Variants in BMPR1B observed in about 807,000 individuals in gnomAD.
BMPR1B encodes the protein bone morphogenetic protein receptor type 1B.
In BMPR1B, 12 loss-of-function variants were observed where a neutral mutation model predicts 59.1. The ratio of observed to expected loss-of-function variants is 0.20; its 90% confidence interval spans 0.13 to 0.33. BMPR1B has a LOEUF of 0.33. BMPR1B is among the 10% of genes least tolerant of loss of function. The pLI, the probability that BMPR1B is intolerant of heterozygous loss-of-function variation, is 1.00. For missense variants in BMPR1B, 550 were observed against 610.9 expected (o/e 0.90, Z 1.05); for synonymous variants, 237 against 207.3 (o/e 1.14, Z -1.23).
At chr4:94,764,383 T>A (rs1721887139) in intron 1 of BMPR1B, among the ~76,000 whole-genome samples, 1 of 152,154 alleles carries the variant, frequency 6.6e-6, no homozygotes, top group South Asian at 2.1e-4. Context: ...CCCAAGGTAT[T>A]CTTCTCTATA....
At chr4:95,009,128 A>T (rs879460341) in intron 3 of BMPR1B, among the ~76,000 whole-genome samples, 1 of 152,234 alleles carries the variant, frequency 6.6e-6, no homozygotes, top group Non-Finnish European at 1.5e-5. Context: ...TAAAAGTCTG[A>T]AAATAACAAA....
At chr4:94,812,838 A>G (rs1578672733) in intron 1 of BMPR1B, among the ~76,000 whole-genome samples, 1 of 152,200 alleles carries the variant, frequency 6.6e-6, no homozygotes, top group Non-Finnish European at 1.5e-5. Flanking sequence ...ATTGAGTAGC[A>G]TATTTGACCA....
chr4:95,090,104 A>G (rs1729870789), intron 3 of BMPR1B, among the ~76,000 whole-genome samples: 1 of 152,068 alleles, frequency 6.6e-6, no homozygotes, highest in African/African-American at 2.4e-5. Flanking sequence ...CTGTTGAGAG[A>G]GAATGTTCTC....
intron 3 of BMPR1B, among the ~76,000 whole-genome samples, chr4:95,039,805 T>C (rs1404552559): frequency 6.6e-6 from 1 of 152,190 alleles, no homozygotes; most frequent in Non-Finnish European, 1.5e-5. Context: ...TGTAGTGTAG[T>C]GTATTTTCTA....
intron 2 of BMPR1B, among the ~76,000 whole-genome samples, chr4:94,890,495 A>G (rs1440449622): frequency 6.6e-6 from 1 of 152,150 alleles, no homozygotes; most frequent in African/African-American, 2.4e-5. Flanking sequence ...CATGAGTGTA[A>G]TTATGACCTA....
intron 1 of BMPR1B, among the ~76,000 whole-genome samples, chr4:94,865,593 A>ATATT (rs1726192350): frequency 6.6e-6 from 1 of 150,872 alleles, no homozygotes; most frequent in African/African-American, 2.4e-5. Context: ...GGGTTTCACT[A>ATATT]TATTGGCCAG....
At chr4:95,004,920 T>A (rs1482149887) in intron 3 of BMPR1B, among the ~76,000 whole-genome samples, 1 of 152,242 alleles carries the variant, frequency 6.6e-6, no homozygotes, top group Non-Finnish European at 1.5e-5. Context: ...ATACAATGCA[T>A]ATAGTCTTCT....
intron 3 of BMPR1B, among the ~76,000 whole-genome samples, chr4:95,009,132 TAAC>T (rs1428870969): frequency 6.6e-6 from 1 of 152,154 alleles, no homozygotes; most frequent in Non-Finnish European, 1.5e-5. Context: ...AGTCTGAAAA[TAAC>T]AAATCTTGGT....
intron 1 of BMPR1B, among the ~76,000 whole-genome samples, chr4:94,821,514 G>A (rs1466668292): frequency 6.6e-6 from 1 of 151,842 alleles, no homozygotes; most frequent in Non-Finnish European, 1.5e-5. Flanking sequence ...AAAAGAGTTA[G>A]GTTTGGCTTA....
Position 94,841,363 on chromosome 4 carries a change from C to T in BMPR1B, c.-182-34468C>T, listed in dbSNP as rs369287864. Among the ~76,000 whole-genome samples the T allele has an allele frequency of 1.1e-4, 16 of 149,954 alleles. 1 individual carries two copies. The highest frequency in any genetic ancestry group is 4.6e-4 in the Admixed American group (7 of 15,118). ...ATGGCGGGCGCCCCTCCCCCAGCCT[C>T]GCTGCCGCCTTGCAGTTTGATCTCA... On this transcript the variant is annotated intron_variant, in intron 1 of 12. Transcript: ENST00000515059.
At chr4:95,116,609 C>G (rs1732084657) in intron 6 of BMPR1B, among the ~76,000 whole-genome samples, 1 of 147,516 alleles carries the variant, frequency 6.8e-6, no homozygotes, top group African/African-American at 2.4e-5. Context: ...TTTGCTTTCT[C>G]TCTCTCTCTC....
intron 2 of BMPR1B, among the ~76,000 whole-genome samples, chr4:94,970,549 G>A (rs1730750710): frequency 6.6e-6 from 1 of 152,110 alleles, no homozygotes; most frequent in Non-Finnish European, 1.5e-5. Flanking sequence ...CTGACCTCAG[G>A]CAATCTGCCT....
intron 1 of BMPR1B, among the ~76,000 whole-genome samples, chr4:94,758,446 T>A (rs1721615961): frequency 1.3e-5 from 2 of 149,374 alleles, no homozygotes; most frequent in East Asian, 2.0e-4. Context: ...AGGCAGGGAG[T>A]CGGACCTGCG....
At chr4:94,987,594 T>C (rs1325966241) in intron 2 of BMPR1B, among the ~76,000 whole-genome samples, 1 of 152,118 alleles carries the variant, frequency 6.6e-6, no homozygotes, top group African/African-American at 2.4e-5. Flanking sequence ...GATGTATGAC[T>C]TTAGCTTGTC....
At chr4:94,857,553 G>A (rs973145815) in intron 1 of BMPR1B, among the ~76,000 whole-genome samples, 7 of 152,104 alleles carry the variant, frequency 4.6e-5, no homozygotes, top group African/African-American at 1.2e-4. Context: ...ATATCCTTCC[G>A]ATATAATGTA....
chr4:95,096,749 A>G lies in BMPR1B; in HGVS notation c.-17-7659A>G, dbSNP rs12650297. 4.1e-3 allele frequency among the ~76,000 whole-genome samples: 75 copies of G among 18,128 alleles called. 1 individual carries two copies. In the South Asian group the frequency reaches 0.045, roughly 11 times the overall value. The allele number at this position is 18,128 out of a possible 152,430, so 11.9% of individuals were successfully genotyped here. ...ACTATATATAGTTATATATAACTAT[A>G]TATAGTTATATATAACTATGTATAG... On this transcript the variant is annotated intron_variant, in intron 3 of 12. Coordinates refer to ENST00000515059, the MANE Select transcript of BMPR1B (RefSeq NM_001203.3).
chr4:95,142,565 A>G (rs1275989459), intron 10 of BMPR1B, among the ~76,000 whole-genome samples: 1 of 151,402 alleles, frequency 6.6e-6, no homozygotes, highest in African/African-American at 2.4e-5. Flanking sequence ...ACGTTTTTTT[A>G]CCTTCCTACT....
intron 3 of BMPR1B, among the ~76,000 whole-genome samples, chr4:95,054,092 T>G (rs1026345388): frequency 2.0e-5 from 3 of 152,206 alleles, no homozygotes; most frequent in African/African-American, 7.2e-5. Context: ...ATAAATGTCT[T>G]TCAAAATGAC....
At chr4:94,776,762 A>G (rs1399592901) in intron 1 of BMPR1B, among the ~76,000 whole-genome samples, 1 of 152,214 alleles carries the variant, frequency 6.6e-6, no homozygotes, top group Non-Finnish European at 1.5e-5. Context: ...TGGTTCTGCA[A>G]GACTTGATTA....
Sources: gnomAD v4.1 joint callset for allele counts (sites outside exome capture counted in the v4.1 genomes callset) on GRCh38, gnomAD v4.1.1 for gene constraint, MANE v1.5 for transcripts, NCBI Gene and HGNC (gene_info 2026-07-23, HGNC 2026-07-21) for gene names.